The following ERH variants were observed in gnomAD, a reference collection of about 807,000 sequenced individuals.
The protein encoded by ERH is ERH mRNA splicing and mitosis factor.
A neutral mutation model predicts 16.8 loss-of-function variants in ERH; 1 was observed. The ratio of observed to expected loss-of-function variants is 0.06; its 90% CI spans 0.02 to 0.28. ERH has a LOEUF of 0.28. Ranked by LOEUF, ERH falls within the 10% of genes least tolerant of loss-of-function variation. The pLI, the probability that ERH is intolerant of heterozygous loss-of-function variation, is 1.00. For missense variants in ERH, 42 were observed against 127.5 expected (o/e 0.33, Z 3.23); for synonymous variants, 43 against 43.6 (o/e 0.99, Z 0.05).
chr14:69,397,989 C>T, intron 1 of ERH: 1 of 603,828 alleles, frequency 1.7e-6, no homozygotes, highest in Non-Finnish European at 2.9e-6. Flanking sequence ...ATCCTCAGGC[C>T]CAAGGCACGC....
At chr14:69,393,294 C>A (rs1952255) in intron 2 of ERH, among the ~76,000 whole-genome samples, 28,500 of 152,000 alleles carry the variant, frequency 0.19, 2,808 homozygotes, top group South Asian at 0.26. Flanking sequence ...CCAGCCTGGG[C>A]GACAGAGTGA....
rs1882300529 is a variant in ERH at position 69,394,969 on chromosome 14, AT to A, written c.4-58del. 2.4e-6 allele frequency: 3 copies of A among 1,247,856 alleles called. No homozygotes were observed. In the Admixed American group the frequency reaches 6.0e-5, roughly 25 times the overall value. The allele number at this position is 1,247,856 out of a possible 1,614,324, so 77.3% of individuals were successfully genotyped here. A position where few individuals can be genotyped will look rare whatever the true frequency, so the allele number is the denominator to read the frequency against. ...TTCTATTTGAGAAATTCATAGTATGATAAAAAAAAATCCCCATTTGTAATGC... is the reference window on the plus strand; with the variant it reads ...TTCTATTTGAGAAATTCATAGTATGAAAAAAAAAATCCCCATTTGTAATGC... On this transcript the variant is annotated intron_variant, in intron 1 of 3. Transcript: ENST00000557016.
chr14:69,383,914 G>A (rs1199660724), intron 3 of ERH, among the ~76,000 whole-genome samples: 1 of 152,176 alleles, frequency 6.6e-6, no homozygotes, highest in African/African-American at 2.4e-5. Context: ...TGGGGAGGCT[G>A]AGGAAGGAGG....
chr14:69,398,166 AT>A (rs1882415306), intron 1 of ERH, 64 bp downstream of exon 1: 9 of 1,603,852 alleles, frequency 5.6e-6, no homozygotes, highest in Non-Finnish European at 7.7e-6. Context: ...GGGAAAACGT[AT>A]GGGGCTGGGG....
intron 1 of ERH, among the ~76,000 whole-genome samples, chr14:69,396,132 G>C (rs183810510): frequency 6.6e-6 from 1 of 152,316 alleles, no homozygotes; most frequent in East Asian, 1.9e-4. Flanking sequence ...CAAGTATGAT[G>C]CAACTCCACT....
Position 69,395,421 on chromosome 14 carries a change from A to C in ERH, c.4-509T>G, listed in dbSNP as rs114914585. On this transcript the variant is annotated intron_variant, in intron 1 of 3. Transcript: ENST00000557016. ...TCCCTAAGTCTCCCAGTCCTACCGT[A>C]CTTACTGCCTACAAGTAATCAGTAT... 3.1e-3 allele frequency among the ~76,000 whole-genome samples: 477 copies of C among 152,338 alleles called. 4 individuals carry two copies. Among genetic ancestry groups the C allele is most frequent in the African/African-American group, 0.011 (463 of 41,570 alleles).
At chr14:69,389,418 T>C (rs1405922515) in intron 2 of ERH, among the ~76,000 whole-genome samples, 2 of 152,214 alleles carry the variant, frequency 1.3e-5, no homozygotes, top group Non-Finnish European at 2.9e-5. Context: ...TATTCAACAT[T>C]GTACTAGAAG....
At chr14:69,389,744 C>T (rs1236104777) in intron 2 of ERH, among the ~76,000 whole-genome samples, 4 of 152,094 alleles carry the variant, frequency 2.6e-5, no homozygotes, top group Non-Finnish European at 5.9e-5. Context: ...AAAACGTGTA[C>T]ACCCTACACT....
At chr14:69,383,439 C>T (rs1208456684) in intron 3 of ERH, among the ~76,000 whole-genome samples, 3 of 152,334 alleles carry the variant, frequency 2.0e-5, no homozygotes, top group Non-Finnish European at 2.9e-5. Flanking sequence ...TGAGGAGTAA[C>T]GGCCCAAATC....
At position 69,380,338 on chromosome 14, in the gene ERH, AAAAG is replaced by A. The variant is rs1442697027; in HGVS notation, c.*196_*199del. ...ATAAAAATGTTTAAGTAAAAAAAAA[AAAAG>A]AAAGAGAAAGAAAAAGAGGAGGTAA... On this transcript the variant is annotated 3_prime_UTR_variant, in exon 4 of 4. Coordinates refer to ENST00000557016, the MANE Select transcript of ERH (RefSeq NM_004450.3). The A allele has an allele frequency of 1.1e-4, 47 of 421,906 alleles. No individual in the cohort carries two copies. The highest frequency in any genetic ancestry group is 1.1e-3 in the East Asian group (32 of 28,870). The allele number at this position is 421,906 out of a possible 1,614,324, so 26.1% of individuals were successfully genotyped here. A position where few individuals can be genotyped will look rare whatever the true frequency, so the allele number is the denominator to read the frequency against.
rs537107461 is a variant in ERH, at chr14:69,397,697, T to C, written c.3+534A>G. Among the ~76,000 whole-genome samples, 60 of 152,140 alleles carry C rather than the reference T, an allele frequency of 3.9e-4. 3 individuals are homozygous for C. The South Asian group carries it at 5.2e-3, about 13-fold the overall frequency. On this transcript the variant is annotated intron_variant, in intron 1 of 3. Coordinates refer to ENST00000557016, the MANE Select transcript of ERH (RefSeq NM_004450.3). ...ACTTTGGGATGCCGAGGCGGGTGGA[T>C]TGCTTGAGGTCAGGAGTTCGAGACC...
At chr14:69,394,043 A>G (rs1594889525) in intron 2 of ERH, among the ~76,000 whole-genome samples, 1 of 151,872 alleles carries the variant, frequency 6.6e-6, no homozygotes, top group African/African-American at 2.4e-5. Flanking sequence ...AAAAAGGCCC[A>G]GACTTTACTA....
intron 3 of ERH, among the ~76,000 whole-genome samples, chr14:69,385,423 A>G (rs1333392075): frequency 6.6e-6 from 1 of 152,134 alleles, no homozygotes; most frequent in Non-Finnish European, 1.5e-5. Flanking sequence ...TAACTGAAGC[A>G]TACAGAAGAT....
At chr14:69,385,520 T>C (rs1445993367) in intron 3 of ERH, among the ~76,000 whole-genome samples, 1 of 152,024 alleles carries the variant, frequency 6.6e-6, no homozygotes, top group East Asian at 1.9e-4. Flanking sequence ...AGTTTCTCCT[T>C]CTCTGGTACA....
intron 2 of ERH, among the ~76,000 whole-genome samples, chr14:69,387,936 CT>C (rs920530570): frequency 6.6e-6 from 1 of 152,176 alleles, no homozygotes; most frequent in African/African-American, 2.4e-5. Context: ...GCCCCAGCTA[CT>C]CGGGAGGCTG....
At chr14:69,382,581 C>T (rs565967799) in intron 3 of ERH, among the ~76,000 whole-genome samples, 1 of 152,002 alleles carries the variant, frequency 6.6e-6, no homozygotes, top group African/African-American at 2.4e-5. Context: ...TGCCTGTAAT[C>T]CCAGCACTTT....
At chr14:69,388,916 T>C (rs2045908090) in intron 2 of ERH, among the ~76,000 whole-genome samples, 1 of 152,228 alleles carries the variant, frequency 6.6e-6, no homozygotes, top group Non-Finnish European at 1.5e-5. Context: ...GCTACTGGCA[T>C]ACTACATTGT....
At chr14:69,393,273 A>G (rs1413281449) in intron 2 of ERH, among the ~76,000 whole-genome samples, 1 of 152,186 alleles carries the variant, frequency 6.6e-6, no homozygotes, top group African/African-American at 2.4e-5. Flanking sequence ...GCTGAGATGC[A>G]CCACTGCACT....
At position 69,380,483 on chromosome 14, in the gene ERH, C is replaced by T. The variant is rs1225438191; in HGVS notation, c.*55G>A. The T allele has an allele frequency of 2.0e-6, 2 of 982,488 alleles. No homozygotes were observed. The highest frequency in any genetic ancestry group is 1.3e-5 in the South Asian group (1 of 77,602). The allele number at this position is 982,488 out of a possible 1,614,324, so 60.9% of individuals were successfully genotyped here. A position where few individuals can be genotyped will look rare whatever the true frequency, so the allele number is the denominator to read the frequency against. On this transcript the variant is annotated 3_prime_UTR_variant, in exon 4 of 4. Coordinates refer to ENST00000557016, the MANE Select transcript of ERH (RefSeq NM_004450.3). ...GATACAAAACTTCCACTACAGCACG[C>T]TGTACACACCTGTGTTCCAAGCCCA...
Sources: allele counts gnomAD v4.1 joint callset (sites outside exome capture counted in the v4.1 genomes callset), GRCh38; gene constraint gnomAD v4.1.1; transcripts MANE v1.5; gene names NCBI Gene and HGNC (gene_info 2026-07-23, HGNC 2026-07-21).